The following TMEM132D variants were observed in gnomAD, a reference collection of about 807,000 sequenced individuals.
TMEM132D encodes mature OL transmembrane protein.
In TMEM132D, 21 loss-of-function variants were observed where a neutral mutation model predicts 62.3. The ratio of observed to expected loss-of-function variants is 0.34; its 90% CI spans 0.24 to 0.49. The LOEUF is 0.49. Ranked by LOEUF, TMEM132D falls within the 20% of genes least tolerant of loss-of-function variation. The pLI, the probability that TMEM132D is intolerant of heterozygous loss-of-function variation, is 0.99. For missense variants in TMEM132D, 1,346 were observed against 1,402.8 expected (o/e 0.96, Z 0.65); for synonymous variants, 621 against 575.6 (o/e 1.08, Z -1.13).
At chr12:129,077,145 C>T (rs1874287315) in intron 8 of TMEM132D, among the ~76,000 whole-genome samples, 1 of 152,202 alleles carries the variant, frequency 6.6e-6, no homozygotes, top group Admixed American at 6.5e-5. Context: ...AATGGGAAGG[C>T]TCTTTGTGCC....
intron 1 of TMEM132D, among the ~76,000 whole-genome samples, chr12:129,882,823 G>T (rs979492205): frequency 6.6e-6 from 1 of 152,114 alleles, no homozygotes; most frequent in Non-Finnish European, 1.5e-5. Flanking sequence ...AAGGTTCAAT[G>T]CCTGTTTATG....
intron 2 of TMEM132D, among the ~76,000 whole-genome samples, chr12:129,592,353 T>C (rs1273820770): frequency 2.0e-5 from 3 of 152,238 alleles, no homozygotes; most frequent in Admixed American, 1.3e-4. Flanking sequence ...ATTATTGCCA[T>C]TTGAAATACT....
chr12:129,464,183 G>A (rs933255341), intron 3 of TMEM132D, among the ~76,000 whole-genome samples: 2 of 151,412 alleles, frequency 1.3e-5, no homozygotes, highest in African/African-American at 4.8e-5. Flanking sequence ...GGTGTGAGAT[G>A]GTATCTCATT....
At chr12:129,508,416 A>C (rs918462753) in intron 3 of TMEM132D, among the ~76,000 whole-genome samples, 1 of 152,236 alleles carries the variant, frequency 6.6e-6, no homozygotes, top group African/African-American at 2.4e-5. Context: ...AAAATACAAA[A>C]GTATAAAGAA....
At chr12:129,132,396 A>G (rs1265071492) in intron 5 of TMEM132D, among the ~76,000 whole-genome samples, 4 of 152,224 alleles carry the variant, frequency 2.6e-5, no homozygotes, top group Non-Finnish European at 5.9e-5. Flanking sequence ...AAAGACAAAT[A>G]AGGGTTTTGT....
intron 2 of TMEM132D, among the ~76,000 whole-genome samples, chr12:129,585,748 A>G (rs1448772398): frequency 1.3e-5 from 2 of 152,128 alleles, no homozygotes; most frequent in Non-Finnish European, 1.5e-5. Flanking sequence ...AAAAAGATTG[A>G]TATTTCCTCA....
chr12:129,550,458 G>C (rs1876862446), intron 2 of TMEM132D, among the ~76,000 whole-genome samples: 1 of 152,116 alleles, frequency 6.6e-6, no homozygotes, highest in Non-Finnish European at 1.5e-5. Context: ...CAAGCACAAT[G>C]CTTGGCAGCC....
intron 4 of TMEM132D, among the ~76,000 whole-genome samples, chr12:129,281,175 T>C (rs759315053): frequency 2.0e-5 from 3 of 152,100 alleles, no homozygotes; most frequent in Non-Finnish European, 4.4e-5. Flanking sequence ...GGAACAGTCA[T>C]TAAGGCAGGT....
intron 2 of TMEM132D, among the ~76,000 whole-genome samples, chr12:129,693,836 G>C (rs560742355): frequency 7.9e-5 from 12 of 151,840 alleles, no homozygotes; most frequent in African/African-American, 2.9e-4. Context: ...GACATGCGAT[G>C]TATGCGACGT....
At chr12:129,330,916 C>A (rs530049543) in intron 4 of TMEM132D, among the ~76,000 whole-genome samples, 5 of 152,180 alleles carry the variant, frequency 3.3e-5, no homozygotes, top group Non-Finnish European at 1.5e-5. Context: ...TCCTCCCAAG[C>A]TTCTTGGGTA....
At chr12:129,231,480 C>G (rs1294290110) in intron 4 of TMEM132D, among the ~76,000 whole-genome samples, 1 of 152,196 alleles carries the variant, frequency 6.6e-6, no homozygotes, top group Non-Finnish European at 1.5e-5. Context: ...TTACAGCAGT[C>G]AAACGTCATC....
chr12:129,432,283 ATGGATG>A (rs1357996959), intron 3 of TMEM132D, among the ~76,000 whole-genome samples: 2 of 34,492 alleles, frequency 5.8e-5, no homozygotes, highest in African/African-American at 2.7e-4. Flanking sequence ...GGATCAATGG[ATGGATG>A]CTTGGATGGA....
At chr12:129,644,858 T>C (rs1039661627) in intron 2 of TMEM132D, among the ~76,000 whole-genome samples, 2 of 140,226 alleles carry the variant, frequency 1.4e-5, no homozygotes, top group Admixed American at 1.4e-4. Context: ...TCGTGGCGGG[T>C]GCCTGTAGTC....
chr12:129,814,401 G>A (rs1229283259), intron 1 of TMEM132D, among the ~76,000 whole-genome samples: 3 of 152,142 alleles, frequency 2.0e-5, no homozygotes, highest in South Asian at 2.1e-4. Flanking sequence ...TCCGAGGTGG[G>A]AGTTTGAGAC....
intron 1 of TMEM132D, among the ~76,000 whole-genome samples, chr12:129,703,831 A>T (rs112454252): frequency 0.017 from 2,528 of 152,136 alleles, 102 homozygotes; most frequent in East Asian, 0.13. Flanking sequence ...ATACTTTTTT[A>T]AAAAATATGG....
intron 1 of TMEM132D, among the ~76,000 whole-genome samples, chr12:129,843,234 A>G (rs116211418): frequency 0.012 from 1,773 of 152,298 alleles, 39 homozygotes; most frequent in African/African-American, 0.041. Context: ...TTTCCAAAAT[A>G]AAAAAACATT....
chr12:129,810,698 G>A (rs2137315593), intron 1 of TMEM132D, among the ~76,000 whole-genome samples: 1 of 152,280 alleles, frequency 6.6e-6, no homozygotes, highest in Admixed American at 6.5e-5. Flanking sequence ...GCAGTATCTT[G>A]ACTGAGTGGT....
intron 2 of TMEM132D, among the ~76,000 whole-genome samples, chr12:129,532,868 G>C (rs1297954168): frequency 6.6e-6 from 1 of 152,210 alleles, no homozygotes; most frequent in Non-Finnish European, 1.5e-5. Context: ...AGCACATCCT[G>C]CGTGACTCCA....
chr12:129,622,965 T>C (rs1879113809), intron 2 of TMEM132D, among the ~76,000 whole-genome samples: 1 of 151,984 alleles, frequency 6.6e-6, no homozygotes, highest in East Asian at 1.9e-4. Flanking sequence ...AGGTGGCATC[T>C]CTCCAGATAC....
Sources: allele counts gnomAD v4.1 joint callset (sites outside exome capture counted in the v4.1 genomes callset), GRCh38; gene constraint gnomAD v4.1.1; transcripts MANE v1.5; gene names NCBI Gene and HGNC (gene_info 2026-07-23, HGNC 2026-07-21).